Variants in CCDC171 observed in about 807,000 individuals in gnomAD.
CCDC171 encodes coiled-coil domain-containing protein 171.
CCDC171 carries 177 observed loss-of-function variants against 168.2 expected under a neutral mutation model. The observed-to-expected ratio is 1.05, with a 90% CI of 0.93 to 1.19. CCDC171 has a LOEUF of 1.19. Among genes scored for constraint, CCDC171 ranks in the 50% most tolerant of loss-of-function variants. The pLI is 0.00. For missense variants in CCDC171, 1,991 were observed against 1,539.0 expected (o/e 1.29, Z -4.91); for synonymous variants, 687 against 540.8 (o/e 1.27, Z -3.75).
chr9:16,021,319 C>T (rs1038893952), intron 4 of CCDC171, among the ~76,000 whole-genome samples: 1 of 152,304 alleles, frequency 6.6e-6, no homozygotes, highest in South Asian at 2.1e-4. Flanking sequence ...ATCTCTTGAC[C>T]TCGTGATCCA....
intron 7 of CCDC171, among the ~76,000 whole-genome samples, chr9:15,634,423 G>C (rs1333243432): frequency 6.6e-6 from 1 of 152,152 alleles, no homozygotes; most frequent in Non-Finnish European, 1.5e-5. Flanking sequence ...ATCTGGTTAT[G>C]ATGCTGTTTA....
chr9:16,030,688 T>C (rs1833351791), intron 6 of CCDC171, among the ~76,000 whole-genome samples: 1 of 152,126 alleles, frequency 6.6e-6, no homozygotes, highest in African/African-American at 2.4e-5. Flanking sequence ...AGGCTCTGGG[T>C]TTGTGACCAC....
At chr9:15,601,520 A>G (rs2042849832) in intron 6 of CCDC171, among the ~76,000 whole-genome samples, 1 of 151,986 alleles carries the variant, frequency 6.6e-6, no homozygotes, top group Admixed American at 6.6e-5. Context: ...TAGTTCATTT[A>G]CTCGTTCATT....
intron 3 of CCDC171, among the ~76,000 whole-genome samples, chr9:15,572,470 CACCA>C (rs2040310859): frequency 6.6e-6 from 1 of 152,182 alleles, no homozygotes; most frequent in Non-Finnish European, 1.5e-5. Flanking sequence ...TTATCCTGTA[CACCA>C]TTGGTTTCTC....
chr9:16,094,927 G>T, the CCDC171 span, among the ~76,000 whole-genome samples: 1 of 152,158 alleles, frequency 6.6e-6, no homozygotes, highest in Non-Finnish European at 1.5e-5. Context: ...CCCCGTTGCT[G>T]TCTCATGAGG....
chr9:15,857,468 G>A (rs544541770), intron 23 of CCDC171, among the ~76,000 whole-genome samples: 2 of 152,034 alleles, frequency 1.3e-5, no homozygotes, highest in African/African-American at 4.8e-5. Flanking sequence ...TGTCGCTAAG[G>A]CTGGAGTACA....
intron 7 of CCDC171, among the ~76,000 whole-genome samples, chr9:15,652,716 C>T (rs1261609523): frequency 2.0e-5 from 3 of 152,230 alleles, no homozygotes; most frequent in African/African-American, 7.2e-5. Context: ...ACTGGGATTA[C>T]AGGCGTGAGC....
chr9:15,809,372 A>C (rs1385361141), intron 21 of CCDC171, among the ~76,000 whole-genome samples: 1 of 152,232 alleles, frequency 6.6e-6, no homozygotes. Context: ...TCAATTCCTC[A>C]GTCTCACTGT....
chr9:15,772,809 G>A (rs1398212346), intron 18 of CCDC171, among the ~76,000 whole-genome samples: 2 of 152,092 alleles, frequency 1.3e-5, no homozygotes, highest in Non-Finnish European at 2.9e-5. Context: ...AGAAGAGTGC[G>A]TCTTAGATAT....
intron 21 of CCDC171, among the ~76,000 whole-genome samples, chr9:15,842,593 A>G (rs115715053): frequency 0.015 from 2,333 of 151,990 alleles, 71 homozygotes; most frequent in African/African-American, 0.053. Context: ...TTTTTTTTCT[A>G]AAGAATTTTA....
intron 21 of CCDC171, among the ~76,000 whole-genome samples, chr9:15,835,635 C>G (rs1481627058): frequency 6.6e-6 from 1 of 152,166 alleles, no homozygotes; most frequent in Non-Finnish European, 1.5e-5. Flanking sequence ...CCATGTTGGT[C>G]AGGCTGGTCT....
chr9:15,876,265 T>G (rs549805405), intron 24 of CCDC171, among the ~76,000 whole-genome samples: 1 of 152,230 alleles, frequency 6.6e-6, no homozygotes, highest in South Asian at 2.1e-4. Flanking sequence ...GTAATATATA[T>G]TGTAGTTTAG....
rs1463521805 is a variant in CCDC171 at position 15,992,107 on chromosome 9, C to A, written n.369-28482C>A. On this transcript the variant is annotated intron_variant and non_coding_transcript_variant, in intron 3 of 9. Coordinates refer to the CCDC171 transcript ENST00000486641. ...GGCCAGCATCATCCTGATACCAAAG[C>A]CTGGCAGAGACACAACAAAAAAAAG... 3.9e-5 allele frequency among the ~76,000 whole-genome samples: 6 copies of A among 152,154 alleles called. 1 individual carries two copies. Among genetic ancestry groups the A allele is most frequent in the Admixed American group, 3.9e-4 (6 of 15,278 alleles).
chr9:15,596,088 G>A (rs1308068654), intron 6 of CCDC171, among the ~76,000 whole-genome samples: 1 of 152,124 alleles, frequency 6.6e-6, no homozygotes, highest in Non-Finnish European at 1.5e-5. Flanking sequence ...CTCCCATTCT[G>A]TAGGTTGCCT....
At chr9:15,681,584 C>G (rs1427656138) in intron 10 of CCDC171, among the ~76,000 whole-genome samples, 4 of 151,774 alleles carry the variant, frequency 2.6e-5, no homozygotes, top group Non-Finnish European at 5.9e-5. Flanking sequence ...CAATGTTTTT[C>G]TTTTTATAAA....
At chr9:16,043,085 C>T (rs1833599272) in intron 1 of CCDC171, among the ~76,000 whole-genome samples, 1 of 152,024 alleles carries the variant, frequency 6.6e-6, no homozygotes, top group Admixed American at 6.6e-5. Flanking sequence ...TGTGATGAGC[C>T]CAAGTCAGCA....
At chr9:16,062,841 A>G (rs1019152004), downstream of CCDC171, among the ~76,000 whole-genome samples, 2 of 152,192 alleles carry the variant, frequency 1.3e-5, no homozygotes, top group Non-Finnish European at 2.9e-5. Flanking sequence ...AGATCCTTGA[A>G]GGATGGAGTT....
At chr9:16,105,241 T>C in the CCDC171 span, among the ~76,000 whole-genome samples, 2 of 152,164 alleles carry the variant, frequency 1.3e-5, no homozygotes, top group Non-Finnish European at 2.9e-5. Context: ...TGTTAGAGGA[T>C]AGAAGGGACA....
chr9:16,037,342 A>T (rs1355924913), intron 8 of CCDC171, among the ~76,000 whole-genome samples: 2 of 152,264 alleles, frequency 1.3e-5, no homozygotes. Flanking sequence ...TGCAATCATG[A>T]ACCAGGCACA....
Sources: gnomAD v4.1 joint callset for allele counts (sites outside exome capture counted in the v4.1 genomes callset) on GRCh38, gnomAD v4.1.1 for gene constraint, MANE v1.5 for transcripts, NCBI Gene and HGNC (gene_info 2026-07-23, HGNC 2026-07-21) for gene names.